The following ZZZ3 variants were observed in gnomAD, a reference collection of about 807,000 sequenced individuals.
The protein encoded by ZZZ3 is ZZ-type zinc finger-containing protein 3.
ZZZ3 carries 22 observed loss-of-function variants against 95.2 expected under a neutral mutation model. The ratio of observed to expected loss-of-function variants is 0.23; its 90% CI spans 0.17 to 0.33. The LOEUF (loss-of-function observed/expected upper bound fraction) is 0.33, where lower values mean the gene tolerates loss of function less well. Ranked by LOEUF, ZZZ3 falls within the 10% of genes least tolerant of loss-of-function variation. The probability of loss-of-function intolerance (pLI) is 1.00; values close to 1 mark genes in which losing one functional copy is unlikely to be tolerated. For synonymous variants in ZZZ3, 335 were observed against 358.9 expected, an observed-to-expected ratio of 0.93 and a Z score of 0.75; for missense variants, 885 against 1,066.5, an observed-to-expected ratio of 0.83 and a Z score of 2.37.
chr1:77,616,530 A>G (rs534543248), intron 5 of ZZZ3, among the ~76,000 whole-genome samples: 1 of 152,266 alleles, frequency 6.6e-6, no homozygotes, highest in East Asian at 1.9e-4. Context: ...AAAAACAACA[A>G]TTTTCACACT....
At chr1:77,609,768 A>G (rs1297481844) in intron 5 of ZZZ3, among the ~76,000 whole-genome samples, 1 of 152,134 alleles carries the variant, frequency 6.6e-6, no homozygotes, top group East Asian at 1.9e-4. Flanking sequence ...TGCAAATTAA[A>G]CAATATACTC....
At position 77,632,576 on chromosome 1, in the gene ZZZ3, C is replaced by G. The variant is rs1667907497; in HGVS notation, c.779G>C (p.Ser260Thr). 1 of 1,614,194 alleles carries G rather than the reference C, an allele frequency of 6.2e-7. No homozygotes were observed. ...GCAAGGCACCTTATGGTCTATATAA[C>G]TGTCCTCCTTCCTACTATCAAGGAA... Reference protein sequence around the residue: ...SMFLDSRKEDSYIDHKVPCTD... With the variant: ...SMFLDSRKEDTYIDHKVPCTD... Residue 260 changes from serine (S) to threonine (T), a missense_variant, in exon 5 of 15, where the codon AGT becomes ACT. This residue lies in a region of ZZZ3 where 556 missense variants were observed against 652.9 expected (regional missense o/e 0.85). Coordinates refer to ENST00000370801, the MANE Select transcript of ZZZ3 (RefSeq NM_015534.6).
At chr1:77,675,413 T>C (rs568756730) in intron 1 of ZZZ3, among the ~76,000 whole-genome samples, 1 of 152,206 alleles carries the variant, frequency 6.6e-6, no homozygotes, top group African/African-American at 2.4e-5. Context: ...TCCTGGACAA[T>C]TTCAGTGACA....
intron 4 of ZZZ3, among the ~76,000 whole-genome samples, chr1:77,633,890 G>A (rs911403370): frequency 3.9e-5 from 6 of 152,020 alleles, no homozygotes; most frequent in African/African-American, 1.2e-4. Context: ...AATAATCTTC[G>A]GCCGGGCGCA....
At chr1:77,593,694 A>G (rs1305564796) in intron 5 of ZZZ3, among the ~76,000 whole-genome samples, 3 of 152,186 alleles carry the variant, frequency 2.0e-5, no homozygotes, top group Admixed American at 2.0e-4. Flanking sequence ...TAATTACTCT[A>G]TAACTGTGCA....
chr1:77,603,264 A>G (rs1241801418), intron 5 of ZZZ3, among the ~76,000 whole-genome samples: 3 of 152,252 alleles, frequency 2.0e-5, no homozygotes, highest in Admixed American at 1.3e-4. Flanking sequence ...TTTTCTGTAG[A>G]GTCAGGGTTT....
At chr1:77,619,225 C>A (rs969033994) in intron 5 of ZZZ3, among the ~76,000 whole-genome samples, 3 of 152,122 alleles carry the variant, frequency 2.0e-5, no homozygotes, top group African/African-American at 7.2e-5. Flanking sequence ...TTAGTAACTT[C>A]TAGTTAAAAA....
intron 1 of ZZZ3, among the ~76,000 whole-genome samples, chr1:77,647,525 GAA>G (rs1206025084): frequency 6.8e-5 from 8 of 118,172 alleles, no homozygotes; most frequent in Non-Finnish European, 9.1e-5. Flanking sequence ...TCTCAGGAAG[GAA>G]AAAAAAAAAA....
intron 5 of ZZZ3, among the ~76,000 whole-genome samples, chr1:77,594,407 T>C (rs1025885689): frequency 1.3e-5 from 2 of 152,130 alleles, no homozygotes; most frequent in Admixed American, 6.5e-5. Flanking sequence ...TATTTTATTA[T>C]ATTGTGTGAT....
chr1:77,598,702 C>G (rs1664445571), intron 5 of ZZZ3, among the ~76,000 whole-genome samples: 1 of 152,118 alleles, frequency 6.6e-6, no homozygotes, highest in Non-Finnish European at 1.5e-5. Context: ...GCCACCAGTT[C>G]CGGAACTCAA....
chr1:77,612,081 G>T (rs1329701448), intron 5 of ZZZ3, among the ~76,000 whole-genome samples: 1 of 151,904 alleles, frequency 6.6e-6, no homozygotes, highest in Non-Finnish European at 1.5e-5. Context: ...TCTGATAAGG[G>T]ATTAGTATCT....
intron 5 of ZZZ3, among the ~76,000 whole-genome samples, chr1:77,613,569 T>C (rs1464724041): frequency 1.3e-5 from 2 of 152,008 alleles, no homozygotes; most frequent in Non-Finnish European, 2.9e-5. Flanking sequence ...GGAACCAAAA[T>C]GTCTCCTCTC....
At chr1:77,642,278 C>T (rs1668850480) in intron 1 of ZZZ3, among the ~76,000 whole-genome samples, 2 of 152,004 alleles carry the variant, frequency 1.3e-5, no homozygotes, top group African/African-American at 4.8e-5. Context: ...CCAAAAGCAC[C>T]GTACAGAATT....
At chr1:77,631,503 A>C (rs1163288675) in intron 5 of ZZZ3, among the ~76,000 whole-genome samples, 1 of 152,174 alleles carries the variant, frequency 6.6e-6, no homozygotes, top group Non-Finnish European at 1.5e-5. Context: ...GCTATCTAGA[A>C]CTATAAATCA....
chr1:77,641,614 G>C lies in ZZZ3; in HGVS notation c.-361C>G, dbSNP rs900058657. 4 of 397,956 alleles carry C rather than the reference G, an allele frequency of 1.0e-5. No individual in the cohort carries two copies. In the East Asian group the frequency reaches 1.1e-4, roughly 11 times the overall value. 24.7% of individuals were successfully genotyped at this position (397,956 alleles called of 1,614,324 possible). On this transcript the variant is annotated 5_prime_UTR_variant, in exon 2 of 15. Coordinates refer to ENST00000370801, the MANE Select transcript of ZZZ3 (RefSeq NM_015534.6). ...TTGTCCATGTTACACTGAGACTTCA[G>C]GTATTATTTATTTATATGGTTGTAC...
rs190481861 is a variant in ZZZ3, at chr1:77,636,138, T to C, written c.-51-2733A>G. 2.6e-5 allele frequency among the ~76,000 whole-genome samples: 4 copies of C among 152,338 alleles called. No homozygotes were observed. In the East Asian group the frequency reaches 7.7e-4, roughly 29 times the overall value. Reference sequence around the variant, plus strand: ...TAAATTCAACTATACTCATAATTTATGGTTCAAAAATAATACTGACAATAG... The same window carrying C: ...TAAATTCAACTATACTCATAATTTACGGTTCAAAAATAATACTGACAATAG... On this transcript the variant is annotated intron_variant, in intron 4 of 14. Transcript: ENST00000370801.
intron 5 of ZZZ3, among the ~76,000 whole-genome samples, chr1:77,611,825 C>A (rs965432445): frequency 6.6e-6 from 1 of 152,018 alleles, no homozygotes; most frequent in African/African-American, 2.4e-5. Flanking sequence ...ATACAAAAAT[C>A]AAATGAAAAC....
intron 1 of ZZZ3, among the ~76,000 whole-genome samples, chr1:77,644,129 G>A (rs565091283): frequency 3.2e-4 from 49 of 151,562 alleles, no homozygotes; most frequent in African/African-American, 9.7e-4. Flanking sequence ...GCAACGGTGC[G>A]ATCTCGACTC....
At chr1:77,626,091 T>C (rs1191354343) in intron 5 of ZZZ3, among the ~76,000 whole-genome samples, 1 of 152,144 alleles carries the variant, frequency 6.6e-6, no homozygotes, top group African/African-American at 2.4e-5. Flanking sequence ...CCATCTACAG[T>C]AGTTGAAACA....
Sources: allele counts gnomAD v4.1 joint callset (sites outside exome capture counted in the v4.1 genomes callset), GRCh38; gene constraint gnomAD v4.1.1; regional missense constraint gnomAD v4.1.1; transcripts MANE v1.5; gene names NCBI Gene and HGNC (gene_info 2026-07-23, HGNC 2026-07-21).